SEMA5A: variants seen among roughly 807,000 people sequenced by gnomAD.
SEMA5A encodes semaphorin 5A, also known as semaphorin-5A.
Under a neutral mutation model 135.5 loss-of-function variants are expected in SEMA5A, and 55 were observed. The observed-to-expected ratio is 0.41, with a 90% confidence interval of 0.33 to 0.51. The LOEUF is 0.51. SEMA5A is among the 20% of genes least tolerant of loss of function. The pLI is 0.37. For missense variants in SEMA5A, 1,290 were observed against 1,419.9 expected, an observed-to-expected ratio of 0.91 and a Z score of 1.47; for synonymous variants, 580 against 546.5, an observed-to-expected ratio of 1.06 and a Z score of -0.85.
chr5:9,068,744 G>A (rs1451800653), intron 16 of SEMA5A, among the ~76,000 whole-genome samples: 1 of 152,184 alleles, frequency 6.6e-6, no homozygotes, highest in Non-Finnish European at 1.5e-5. Flanking sequence ...GGTCTCTGGT[G>A]TGCATTGAGA....
intron 16 of SEMA5A, among the ~76,000 whole-genome samples, chr5:9,073,727 A>G (rs1314586228): frequency 1.3e-5 from 2 of 152,182 alleles, no homozygotes; most frequent in Non-Finnish European, 2.9e-5. Flanking sequence ...ACCAAAAAAA[A>G]GCTACTAGAA....
At chr5:9,153,208 G>T (rs560551317) in intron 12 of SEMA5A, among the ~76,000 whole-genome samples, 14 of 152,228 alleles carry the variant, frequency 9.2e-5, no homozygotes, top group South Asian at 2.1e-4. Context: ...TATCAAAAAG[G>T]ACTATTTCTA....
intron 5 of SEMA5A, among the ~76,000 whole-genome samples, chr5:9,276,522 A>C (rs1406854425): frequency 6.6e-6 from 1 of 152,244 alleles, no homozygotes; most frequent in Non-Finnish European, 1.5e-5. Context: ...AGCAAAAAGA[A>C]CAAAGCTGGA....
At chr5:9,467,444 G>T (rs1314422377) in intron 1 of SEMA5A, among the ~76,000 whole-genome samples, 3 of 152,138 alleles carry the variant, frequency 2.0e-5, no homozygotes, top group Admixed American at 1.3e-4. Flanking sequence ...ATGAGCCTTT[G>T]CTTATTCCCA....
In SEMA5A at chr5:9,175,180, A is replaced by G. The variant is rs62343368; in HGVS notation, c.1273+15087T>C. ...CCCAAAGGAATTGCAAAGGTCATCC[A>G]GATCCCGTGTGTTCATGGAGGGTCA... is the stretch of plus-strand genomic sequence containing the variant. On this transcript the variant is annotated intron_variant, in intron 11 of 22. Coordinates refer to ENST00000382496, the MANE Select transcript of SEMA5A (RefSeq NM_003966.3). Among the ~76,000 whole-genome samples the G allele has an allele frequency of 6.9e-3, 1,047 of 152,206 alleles. 7 individuals are homozygous for G. Among genetic ancestry groups the G allele is most frequent in the Non-Finnish European group, 0.011 (727 of 68,012 alleles).
At position 9,190,282 on chromosome 5, in the gene SEMA5A, T is replaced by G. The variant is rs751301783; in HGVS notation, c.1258A>C (p.Ile420Leu). The change falls in exon 11 of 23, where the codon ATC becomes CTC. Residue 420 changes from isoleucine (I) to leucine (L), a missense_variant. By Grantham distance (5) the Ile-to-Leu change is conservative. Around this residue, in one of 3 missense-constraint regions of SEMA5A, gnomAD observed 1,029 missense variants for 1,086.6 expected, o/e 0.95. Coordinates refer to ENST00000382496, the MANE Select transcript of SEMA5A (RefSeq NM_003966.3). The stretch of plus-strand genomic sequence containing the variant: ...GAGCTCCTACCTGTGGCCAAATAGA[T>G]GATGTGGACGAGCGCTTCTCTGCCC... Reference protein sequence around the residue: ...VQGREALVHIIYLATDYGTIK... With the variant: ...VQGREALVHILYLATDYGTIK... The G allele has an allele frequency of 4.5e-5, 73 of 1,613,900 alleles. No homozygotes were observed. The highest frequency in any genetic ancestry group is 5.6e-5 in the Non-Finnish European group (66 of 1,180,010).
chr5:9,402,867 A>G (rs1414296378), intron 2 of SEMA5A, among the ~76,000 whole-genome samples: 1 of 152,168 alleles, frequency 6.6e-6, no homozygotes, highest in East Asian at 1.9e-4. Context: ...TGTATCCTCA[A>G]CATGGCTTAA....
At chr5:9,058,665 A>G (rs188063587) in intron 18 of SEMA5A, among the ~76,000 whole-genome samples, 242 of 152,378 alleles carry the variant, frequency 1.6e-3, no homozygotes, top group Non-Finnish European at 2.7e-3. Flanking sequence ...TACAATTGCC[A>G]GAGACCTAAA....
At chr5:9,391,023 G>A (rs1756137341) in intron 2 of SEMA5A, 1 of 152,186 alleles carries the variant, frequency 6.6e-6, no homozygotes, top group Non-Finnish European at 1.5e-5. Flanking sequence ...AAAACCCAGG[G>A]TCATCTTGCT....
chr5:9,120,143 C>T (rs757152902), intron 14 of SEMA5A, among the ~76,000 whole-genome samples: 6 of 151,818 alleles, frequency 4.0e-5, no homozygotes, highest in Admixed American at 1.3e-4. Flanking sequence ...TCCACATAGA[C>T]GGTCTACTTC....
chr5:9,534,606 C>A (rs946398310), intron 1 of SEMA5A, among the ~76,000 whole-genome samples: 5 of 152,008 alleles, frequency 3.3e-5, no homozygotes, highest in Non-Finnish European at 7.4e-5. Flanking sequence ...CCGATCCAGA[C>A]CCCAAGAGAG....
chr5:9,384,134 C>T (rs1245772648), intron 2 of SEMA5A, among the ~76,000 whole-genome samples: 1 of 152,080 alleles, frequency 6.6e-6, no homozygotes, highest in Non-Finnish European at 1.5e-5. Flanking sequence ...CAGGAAAGGG[C>T]ATTCATAGTC....
At chr5:9,149,858 G>C (rs1206445507) in intron 12 of SEMA5A, among the ~76,000 whole-genome samples, 3 of 152,172 alleles carry the variant, frequency 2.0e-5, no homozygotes, top group African/African-American at 7.2e-5. Context: ...CTGAATTACA[G>C]AGGTGGGAAG....
chr5:9,149,758 A>AG (rs35239322), intron 12 of SEMA5A, among the ~76,000 whole-genome samples: 1 of 152,206 alleles, frequency 6.6e-6, no homozygotes, highest in African/African-American at 2.4e-5. Flanking sequence ...ACTACTTGGA[A>AG]GGCTATAACA....
intron 12 of SEMA5A, among the ~76,000 whole-genome samples, chr5:9,142,695 G>A (rs921653426): frequency 6.6e-6 from 1 of 152,136 alleles, no homozygotes; most frequent in African/African-American, 2.4e-5. Context: ...GGCCAGGCAC[G>A]GTGGCTCATG....
intron 6 of SEMA5A, among the ~76,000 whole-genome samples, chr5:9,227,785 C>T (rs527351244): frequency 2.6e-5 from 4 of 152,076 alleles, no homozygotes; most frequent in East Asian, 3.9e-4. Flanking sequence ...CTCTTGACCT[C>T]GTGATCTACC....
At chr5:9,210,234 T>C (rs993005702) in intron 8 of SEMA5A, among the ~76,000 whole-genome samples, 1 of 152,156 alleles carries the variant, frequency 6.6e-6, no homozygotes, top group African/African-American at 2.4e-5. Context: ...GCAAGTATAT[T>C]GGCAAGTGTA....
chr5:9,266,075 G>A (rs574903882), intron 5 of SEMA5A, among the ~76,000 whole-genome samples: 8 of 152,246 alleles, frequency 5.3e-5, no homozygotes, highest in Non-Finnish European at 1.2e-4. Flanking sequence ...AAAGGCATCC[G>A]TCCTCAATGC....
At chr5:9,065,994 C>T (rs1297977898) in intron 17 of SEMA5A, among the ~76,000 whole-genome samples, 1 of 152,176 alleles carries the variant, frequency 6.6e-6, no homozygotes, top group Non-Finnish European at 1.5e-5. Context: ...ACAGAAACAT[C>T]CTTTTATAGG....
Sources: gnomAD v4.1 joint callset for allele counts (sites outside exome capture counted in the v4.1 genomes callset) on GRCh38, gnomAD v4.1.1 for gene constraint, gnomAD v4.1.1 regional missense constraint, MANE v1.5 for transcripts, NCBI Gene and HGNC (gene_info 2026-07-23, HGNC 2026-07-21) for gene names.